The following COL1A1 variants were observed in gnomAD, a reference collection of about 807,000 sequenced individuals.
COL1A1 encodes collagen type I alpha 1 chain.
Under a neutral mutation model 195.7 loss-of-function variants are expected in COL1A1, and 21 were observed. The ratio of observed to expected loss-of-function variants is 0.11; its 90% CI spans 0.08 to 0.15. COL1A1 has a LOEUF of 0.15. COL1A1 is among the 10% of genes least tolerant of loss of function. The pLI is 1.00. For synonymous variants in COL1A1, 749 were observed against 747.3 expected (o/e 1.00, Z -0.04); for missense variants, 1,365 against 2,051.0 (o/e 0.67, Z 6.46).
Position 50,197,211 on chromosome 17 carries a change from C to T in COL1A1, c.719G>A (p.Arg240His), listed in dbSNP as rs1348617517. The stretch of plus-strand genomic sequence containing the variant: ...CCCAGGAGGCCCACGCTCACCAGGA[C>T]GACCAGGTTTTCCAGCTTCCCCCTG... ...GDDGEAGKPG[R>H]PGERGPPGPQ... Residue 240 changes from arginine to histidine, a missense_variant, in exon 10 of 51, where the codon CGT becomes CAT. Physicochemically the swap from Arg to His is conservative, Grantham distance 29. This residue lies in a region of COL1A1 where 226 missense variants were observed against 372.9 expected (regional missense o/e 0.61). Coordinates refer to ENST00000225964, the MANE Select transcript of COL1A1 (RefSeq NM_000088.4). 3 of 1,613,114 alleles carry T rather than the reference C, an allele frequency of 1.9e-6. No individual in the cohort carries two copies. Among genetic ancestry groups the T allele is most frequent in the Admixed American group, 1.7e-5 (1 of 60,002 alleles).
At chr17:50,197,878 C>T (rs1907733847) in intron 8 of COL1A1, 71 bp downstream of exon 8, 21 of 1,590,332 alleles carry the variant, frequency 1.3e-5, no homozygotes, top group South Asian at 9.9e-5. Context: ...AGACCCCAGG[C>T]CTGGGAGTTC....
chr17:50,194,051 G>T lies in COL1A1; in HGVS notation c.1669-10C>A, dbSNP rs886053162. On this transcript the variant is annotated splice_polypyrimidine_tract_variant and intron_variant, in intron 24 of 50. Coordinates refer to ENST00000225964, the MANE Select transcript of COL1A1 (RefSeq NM_000088.4). This position sits in a 1 kb window ranked among gnomAD's most constrained non-coding sequence, Gnocchi z 6.8. ...CTTGACCGGCGGGACCCTAAGGATG[G>T]GAGGCACGAAAGCAGCAGTGAGGAC... The T allele has an allele frequency of 1.2e-6, 2 of 1,613,404 alleles. No homozygotes were observed. The highest frequency in any genetic ancestry group is 1.7e-6 in the Non-Finnish European group (2 of 1,179,564).
rs58879635 is a variant in COL1A1 at position 50,184,475 on chromosome 17, CA to C, written c.*1026del. On this transcript the variant is annotated 3_prime_UTR_variant, in exon 51 of 51. Transcript: ENST00000225964. ...AGAAAAATTCACAAGTCCCCATCCACAAAAAAAAAAAAAAAAAAAGAAAAAT... is the reference window on the plus strand; with the variant it reads ...AGAAAAATTCACAAGTCCCCATCCACAAAAAAAAAAAAAAAAAAGAAAAAT... The C allele has an allele frequency of 0.06, 6,980 of 116,802 alleles. 2 individuals are homozygous for C. Among genetic ancestry groups the C allele is most frequent in the East Asian group, 0.14 (1,177 of 8,440 alleles). 7.2% of individuals were successfully genotyped at this position (116,802 alleles called of 1,614,324 possible). A position where few individuals can be genotyped will look rare whatever the true frequency, so the allele number is the denominator to read the frequency against.
chr17:50,195,282 G>A lies in COL1A1; in HGVS notation c.1249C>T (p.Pro417Ser), dbSNP rs72648327. 99 of 1,613,526 alleles carry A rather than the reference G, an allele frequency of 6.1e-5. No homozygotes were observed. The highest frequency in any genetic ancestry group is 5.0e-4 in the Admixed American group (30 of 59,956). Residue 417 changes from proline (P) to serine (S), a missense_variant, in exon 19 of 51, where the codon CCC becomes TCC. Around this residue, in one of 5 missense-constraint regions of COL1A1, gnomAD observed 226 missense variants for 372.9 expected, o/e 0.61. Transcript: ENST00000225964. This position sits in a 1 kb window ranked among gnomAD's most constrained non-coding sequence, Gnocchi z 4.3. ...GAPGFPGARG[P>S]SGPQGPGGPP... ...CCGCCGGGGCCCTGGGGTCCAGAGG[G>A]GCCTCGGGCACCAGGGAAGCCAGGA...
intron 46 of COL1A1, 150 bp from the exon 47 acceptor site, chr17:50,187,272 C>T: frequency 2.4e-6 from 2 of 824,834 alleles, no homozygotes; most frequent in South Asian, 1.6e-5. Context: ...GCCATAGCTC[C>T]TCCCAGCCGC....
In COL1A1 at chr17:50,184,798, A is replaced by T; in HGVS notation, c.*704T>A. ...ACAAGGGATTGACACGCGTTCCCCA[A>T]ATCCGATGTTTCTGCTTTGTCGTGG... On this transcript the variant is annotated 3_prime_UTR_variant, in exon 51 of 51. Coordinates refer to ENST00000225964, the MANE Select transcript of COL1A1 (RefSeq NM_000088.4). 1 of 217,028 alleles carries T rather than the reference A, an allele frequency of 4.6e-6. No homozygotes were observed. Among genetic ancestry groups the T allele is most frequent in the Non-Finnish European group, 8.9e-6 (1 of 111,894 alleles). 13.4% of individuals were successfully genotyped at this position (217,028 alleles called of 1,614,324 possible). A position where few individuals can be genotyped will look rare whatever the true frequency, so the allele number is the denominator to read the frequency against.
chr17:50,187,764 T>A (rs1906682594), intron 45 of COL1A1, 112 bp downstream of exon 45: 3 of 1,115,028 alleles, frequency 2.7e-6, no homozygotes, highest in Non-Finnish European at 3.9e-6. Context: ...CAGACCCCAG[T>A]CCCCACTAGG....
At position 50,201,478 on chromosome 17, in the gene COL1A1, G is replaced by C; in HGVS notation, c.36C>G (p.Leu12=). 6.2e-7 allele frequency: 1 copy of C among 1,612,708 alleles called. No individual in the cohort carries two copies. The highest frequency in any genetic ancestry group is 8.5e-7 in the Non-Finnish European group (1 of 1,180,022). Residue 12 remains leucine, a synonymous_variant, in exon 1 of 51, where the codon CTC becomes CTG. Coordinates refer to ENST00000225964, the MANE Select transcript of COL1A1 (RefSeq NM_000088.4). ...FSFVDLRLLL[L]LAATALLTHG... is the part of the protein sequence containing the mutation. ...GCGTCAGGAGGGCGGTGGCCGCTAA[G>C]AGGAGCAGGAGCCGGAGGTCCACAA...
chr17:50,201,229 C>T (rs551886422), intron 1 of COL1A1, among the ~76,000 whole-genome samples, 182 bp downstream of exon 1: 2 of 152,332 alleles, frequency 1.3e-5, no homozygotes, highest in South Asian at 2.1e-4. Flanking sequence ...GCGCGTTCAA[C>T]CCCAACCTCG....
Position 50,186,363 on chromosome 17 carries a change from T to C in COL1A1, c.3959A>G (p.Asp1320Gly). The change falls in exon 49 of 51, where the codon GAC becomes GGC. Residue 1320 changes from aspartate to glycine, a missense_variant. Asp to Gly is a moderately conservative substitution (Grantham distance 94, BLOSUM62 -1). Transcript: ENST00000225964. This position sits in a 1 kb window ranked among gnomAD's most constrained non-coding sequence, Gnocchi z 5.3. ...KNWYISKNPK[D>G]KRHVWFGESM... is the part of the protein sequence containing the mutation. ...CTCGCCGAACCAGACATGCCTCTTG[T>C]CCTTGGGGTTCTTGCTGATGTACCA... is the stretch of plus-strand genomic sequence containing the variant. 2 of 1,614,236 alleles carry C rather than the reference T, an allele frequency of 1.2e-6. No homozygotes were observed. Among genetic ancestry groups the C allele is most frequent in the Non-Finnish European group, 1.7e-6 (2 of 1,180,048 alleles).
Position 50,190,702 on chromosome 17 carries a change from G to T in COL1A1, c.2344-106C>A. ...CCTTCTGGTCCCTCCAGGTTCCCAG[G>T]TTGACAGCTCAGTTTGGCAGGACCT... On this transcript the variant is annotated intron_variant, in intron 33 of 50. Coordinates refer to ENST00000225964, the MANE Select transcript of COL1A1 (RefSeq NM_000088.4). The surrounding 1 kb of genome is among the most constrained non-coding windows in gnomAD (Gnocchi z 4.7). 6.7e-7 allele frequency: 1 copy of T among 1,502,406 alleles called. No individual in the cohort carries two copies. The highest frequency in any genetic ancestry group is 9.2e-7 in the Non-Finnish European group (1 of 1,084,318). The allele number at this position is 1,502,406 out of a possible 1,614,324, so 93.1% of individuals were successfully genotyped here.
rs1464462310 is a variant in COL1A1 at position 50,188,093 on chromosome 17, T to C, written c.3261+3A>G. 2 of 1,604,656 alleles carry C rather than the reference T, an allele frequency of 1.2e-6. No homozygotes were observed. The highest frequency in any genetic ancestry group is 2.2e-5 in the South Asian group (2 of 90,092). On this transcript the variant is annotated splice_donor_region_variant and intron_variant, in intron 44 of 50. Coordinates refer to ENST00000225964, the MANE Select transcript of COL1A1 (RefSeq NM_000088.4). This position sits in a 1 kb window ranked among gnomAD's most constrained non-coding sequence, Gnocchi z 5.6. ...GGCATGGGGGACACAGCAGGGTACT[T>C]ACGGCGGGGCCACGGGCGCCAACAG...
At chr17:50,193,906 G>C in intron 25 of COL1A1, 37 bp downstream of exon 25, 1 of 1,583,218 alleles carries the variant, frequency 6.3e-7, no homozygotes, top group Non-Finnish European at 8.7e-7. Flanking sequence ...AGGTGTGTTT[G>C]TCCCTGGCTC....
chr17:50,190,172 G>A lies in COL1A1; in HGVS notation c.2452-64C>T, dbSNP rs898601326. ...GCAGGAGTTTCCACTACCTGGGGGA[G>A]GAGCAGTAATGGAGGCAGGAAGATG... On this transcript the variant is annotated intron_variant, in intron 35 of 50. Transcript: ENST00000225964. This position sits in a 1 kb window ranked among gnomAD's most constrained non-coding sequence, Gnocchi z 4.7. 2 of 1,405,664 alleles carry A rather than the reference G, an allele frequency of 1.4e-6. No individual in the cohort carries two copies. The highest frequency in any genetic ancestry group is 2.3e-5 in the East Asian group (1 of 43,910). The allele number at this position is 1,405,664 out of a possible 1,614,324, so 87.1% of individuals were successfully genotyped here.
At chr17:50,187,152 C>G in intron 46 of COL1A1, 30 bp from the exon 47 acceptor site, 1 of 1,545,606 alleles carries the variant, frequency 6.5e-7, no homozygotes, top group South Asian at 1.2e-5. Flanking sequence ...TTGAGAAAGG[C>G]TGCCAGAAGC....
At position 50,189,979 on chromosome 17, in the gene COL1A1, C is replaced by A; in HGVS notation, c.2559+22G>T. On this transcript the variant is annotated intron_variant, in intron 36 of 50. Coordinates refer to ENST00000225964, the MANE Select transcript of COL1A1 (RefSeq NM_000088.4). This position sits in a 1 kb window ranked among gnomAD's most constrained non-coding sequence, Gnocchi z 5.5. ...GGTCCCAGCCCACCAGCCTCGTGGGCACAGAGGGCCAAGCCACTCACAATG... is the reference window on the plus strand; with the variant it reads ...GGTCCCAGCCCACCAGCCTCGTGGGAACAGAGGGCCAAGCCACTCACAATG... The A allele has an allele frequency of 6.2e-7, 1 of 1,613,162 alleles. No individual in the cohort carries two copies. The highest frequency in any genetic ancestry group is 1.1e-5 in the South Asian group (1 of 91,058).
At chr17:50,193,484 CTTTT>C in intron 25 of COL1A1, 1 of 168,932 alleles carries the variant, frequency 5.9e-6, no homozygotes, top group African/African-American at 2.7e-5. Context: ...TTTCTTTCTT[CTTTT>C]TTTTTTTTTT....
At chr17:50,187,669 G>T in intron 45 of COL1A1, 132 bp from the exon 46 acceptor site, 1 of 1,065,016 alleles carries the variant, frequency 9.4e-7, no homozygotes, top group Non-Finnish European at 1.4e-6. Context: ...GCCCGAGGGT[G>T]TCCATAGGCA....
rs1189053829 is a variant in COL1A1 at position 50,196,636 on chromosome 17, G to A, written c.839C>T (p.Ala280Val). 6.2e-7 allele frequency: 1 copy of A among 1,614,182 alleles called. No homozygotes were observed. Among genetic ancestry groups the A allele is most frequent in the Non-Finnish European group, 8.5e-7 (1 of 1,180,034 alleles). Reference sequence around the variant, plus strand: ...TCTTACCTTAGGACCAGCAGGACCAGCATCTCCCTTGGCACCATCCAAACC... The same window carrying A: ...TCTTACCTTAGGACCAGCAGGACCAACATCTCCCTTGGCACCATCCAAACC... ...FSGLDGAKGDAGPAGPKGEPG... is the reference protein window; with the variant it reads ...FSGLDGAKGDVGPAGPKGEPG... The change falls in exon 12 of 51, where the codon GCT becomes GTT. Residue 280 changes from alanine (A) to valine (V), a missense_variant. Ala to Val is a moderately conservative substitution (Grantham distance 64). Transcript: ENST00000225964.
Sources: allele counts gnomAD v4.1 joint callset (sites outside exome capture counted in the v4.1 genomes callset), GRCh38; gene constraint gnomAD v4.1.1; regional missense constraint gnomAD v4.1.1; non-coding constraint Gnocchi (gnomAD v3.1); transcripts MANE v1.5; gene names NCBI Gene and HGNC (gene_info 2026-07-23, HGNC 2026-07-21).